The following UPF3B variants were observed in gnomAD, a reference collection of about 807,000 sequenced individuals.
UPF3B encodes UPF3B regulator of nonsense mediated mRNA decay, also known as regulator of nonsense transcripts 3B.
In UPF3B, 7 loss-of-function variants were observed where a neutral mutation model predicts 40.3. The ratio of observed to expected loss-of-function variants is 0.17; its 90% CI spans 0.10 to 0.33. UPF3B has a LOEUF of 0.33. Among genes scored for constraint, UPF3B ranks in the 10% least tolerant of loss-of-function variants. UPF3B has a pLI of 1.00. For missense variants in UPF3B, 229 were observed against 358.9 expected (o/e 0.64, Z 2.93); for synonymous variants, 117 against 117.3 (o/e 1.00, Z 0.01).
intron 3 of UPF3B, among the ~76,000 whole-genome samples, chrX:119,824,764 CTTTTT>C (rs11351287): frequency 6.1e-5 from 4 of 65,643 alleles, no homozygotes; most frequent in African/African-American, 2.0e-4. Flanking sequence ...CCATTTCTTT[CTTTTT>C]TTTTTTTTTT....
At chrX:119,811,042 CTT>C (rs545707798) in intron 5 of UPF3B, among the ~76,000 whole-genome samples, 3 of 102,118 alleles carry the variant, frequency 2.9e-5, no homozygotes, top group Non-Finnish European at 4.0e-5. Context: ...TTTCCACAAA[CTT>C]TTTTTTTTTT....
intron 3 of UPF3B, among the ~76,000 whole-genome samples, chrX:119,851,163 T>A (rs887148586): frequency 1.8e-5 from 2 of 112,446 alleles, no homozygotes; most frequent in Non-Finnish European, 3.8e-5. Context: ...CGAAGCAAAA[T>A]AAGAAGTAAA....
At chrX:119,850,074 T>A in intron 3 of UPF3B, among the ~76,000 whole-genome samples, 1 of 104,906 alleles carries the variant, frequency 9.5e-6, no homozygotes, top group African/African-American at 3.6e-5. Flanking sequence ...GGGGGGGAAA[T>A]CACTTGAGCC....
intron 4 of UPF3B, among the ~76,000 whole-genome samples, chrX:119,818,436 C>T (rs147953142): frequency 0.029 from 3,206 of 110,993 alleles, 83 homozygotes; most frequent in African/African-American, 0.096. Flanking sequence ...CAAAAATTAA[C>T]TGGGTGCGGT....
At chrX:119,847,740 CTG>C (rs2056252395) in intron 3 of UPF3B, among the ~76,000 whole-genome samples, 1 of 109,613 alleles carries the variant, frequency 9.1e-6, no homozygotes, top group Non-Finnish European at 1.9e-5. Flanking sequence ...GCACTCCAGC[CTG>C]TGTGACAGAG....
At position 119,851,764 on chromosome X, in the gene UPF3B, T is replaced by TTTTTTTTTA; in HGVS notation, c.263+2_263+3insTAAAAAAAA. On this transcript the variant is annotated splice_region_variant and intron_variant, in intron 2 of 10. Coordinates refer to ENST00000276201, the MANE Select transcript of UPF3B (RefSeq NM_080632.3). Reference sequence around the variant, plus strand: ...ACCCCTTTCCTTTTTTTTTTTTTTTTACCTCGTATCATTAGAAAAAAACTC... The same window carrying TTTTTTTTTA: ...ACCCCTTTCCTTTTTTTTTTTTTTTTTTTTTTTTAACCTCGTATCATTAGAAAAAAACTC... 1 of 968,476 alleles carries TTTTTTTTTA rather than the reference T, an allele frequency of 1.0e-6. No individual in the cohort carries two copies. The highest frequency in any genetic ancestry group is 1.4e-6 in the Non-Finnish European group (1 of 710,197). The allele number at this position is 968,476 out of a possible 1,213,427, so 79.8% of individuals were successfully genotyped here.
At chrX:119,829,715 C>T (rs1227525599), downstream of UPF3B, among the ~76,000 whole-genome samples, 1 of 111,552 alleles carries the variant, frequency 9.0e-6, no homozygotes, top group East Asian at 2.8e-4. Flanking sequence ...CAAGGCTGGG[C>T]CCTAGGTCTG....
rs756006139 is a variant in UPF3B at position 119,843,318 on chromosome X, G to A, written c.470-17C>T. 1.1e-5 allele frequency: 11 copies of A among 1,028,972 alleles called. No homozygotes were observed. In the East Asian group the frequency reaches 3.3e-4, roughly 31 times the overall value. The allele number at this position is 1,028,972 out of a possible 1,213,427, so 84.8% of individuals were successfully genotyped here. ...ATTCTGGATCTAAATAATCATTTGA[G>A]GAAACAGAAAATATAATAGACTTTA... On this transcript the variant is annotated splice_polypyrimidine_tract_variant and intron_variant, in intron 4 of 10. Transcript: ENST00000276201.
intron 5 of UPF3B, among the ~76,000 whole-genome samples, chrX:119,842,005 AATTT>A (rs2056166372): frequency 8.9e-6 from 1 of 112,290 alleles, no homozygotes; most frequent in African/African-American, 3.2e-5. Context: ...ACAACAAAAT[AATTT>A]ATTAAAAGAG....
At chrX:119,842,905 C>T (rs1361309135) in intron 5 of UPF3B, among the ~76,000 whole-genome samples, 1 of 111,840 alleles carries the variant, frequency 8.9e-6, no homozygotes, top group African/African-American at 3.2e-5. Flanking sequence ...CTAGAAAATA[C>T]CAATTGACCT....
At chrX:119,807,263 C>T (rs2055800505) in intron 6 of UPF3B, among the ~76,000 whole-genome samples, 1 of 111,516 alleles carries the variant, frequency 9.0e-6, no homozygotes, top group Admixed American at 9.6e-5. Flanking sequence ...CAATTCTGAA[C>T]CTCTGATCAG....
At chrX:119,806,768 C>A (rs974434421) in intron 6 of UPF3B, among the ~76,000 whole-genome samples, 7 of 110,526 alleles carry the variant, frequency 6.3e-5, no homozygotes, top group Non-Finnish European at 1.3e-4. Context: ...TGGCTCATAC[C>A]TGTAATCCCA....
At chrX:119,831,645 T>C, downstream of UPF3B, 1 of 738,327 alleles carries the variant, frequency 1.4e-6, no homozygotes, top group Non-Finnish European at 1.6e-6. Flanking sequence ...CAGCTAATAC[T>C]ACTTTCCTGC....
intron 3 of UPF3B, among the ~76,000 whole-genome samples, chrX:119,846,372 A>T (rs1468384626): frequency 3.7e-5 from 4 of 107,851 alleles, no homozygotes; most frequent in Non-Finnish European, 7.7e-5. Flanking sequence ...AAATAAAAAT[A>T]CAAAAATTAG....
chrX:119,845,144 T>G, intron 4 of UPF3B, 54 bp downstream of exon 4: 1 of 1,022,087 alleles, frequency 9.8e-7, no homozygotes, highest in Non-Finnish European at 1.4e-6. Context: ...CACAAAGATA[T>G]TATTTTTAAA....
chrX:119,820,197 G>A (rs1472428685), intron 4 of UPF3B, among the ~76,000 whole-genome samples: 1 of 111,873 alleles, frequency 8.9e-6, no homozygotes, highest in Non-Finnish European at 1.9e-5. Flanking sequence ...AGGCAGGAGT[G>A]CAGTGGTGAG....
At chrX:119,818,071 C>T (rs2055880273) in intron 4 of UPF3B, among the ~76,000 whole-genome samples, 1 of 109,127 alleles carries the variant, frequency 9.2e-6, no homozygotes, top group Admixed American at 9.9e-5. Context: ...TCAAGACCAG[C>T]CTGGCCAACA....
intron 5 of UPF3B, among the ~76,000 whole-genome samples, chrX:119,813,502 T>G: frequency 9.0e-6 from 1 of 111,111 alleles, no homozygotes; most frequent in Non-Finnish European, 1.9e-5. Flanking sequence ...CAATGTGAGA[T>G]TCCCGACTTG....
intron 4 of UPF3B, among the ~76,000 whole-genome samples, chrX:119,820,017 G>T (rs1332786683): frequency 9.0e-6 from 1 of 110,537 alleles, no homozygotes; most frequent in East Asian, 2.8e-4. Flanking sequence ...GCTAATTTTT[G>T]TATTTTTAGT....
Sources: gnomAD v4.1 joint callset for allele counts (sites outside exome capture counted in the v4.1 genomes callset) on GRCh38, gnomAD v4.1.1 for gene constraint, MANE v1.5 for transcripts, NCBI Gene and HGNC (gene_info 2026-07-23, HGNC 2026-07-21) for gene names.